Variants in ZBTB5 observed in about 807,000 individuals in gnomAD.
ZBTB5 encodes the protein zinc finger and BTB domain-containing protein 5.
Under a neutral mutation model 37.9 loss-of-function variants are expected in ZBTB5, and 15 were observed. That is an observed-to-expected ratio of 0.40 (90% CI 0.26 to 0.61). The LOEUF (loss-of-function observed/expected upper bound fraction) is 0.61, where lower values mean the gene tolerates loss of function less well. Among genes scored for constraint, ZBTB5 ranks in the 20% least tolerant of loss-of-function variants. ZBTB5 has a pLI of 0.47. For synonymous variants in ZBTB5, 315 were observed against 312.4 expected, an observed-to-expected ratio of 1.01 and a Z score of -0.09; for missense variants, 708 against 856.8, an observed-to-expected ratio of 0.83 and a Z score of 2.17.
intron 1 of ZBTB5, among the ~76,000 whole-genome samples, chr9:37,449,215 T>C (rs1824053113): frequency 6.6e-6 from 1 of 152,138 alleles, no homozygotes; most frequent in East Asian, 1.9e-4. Flanking sequence ...TGAGATTCTA[T>C]ATAACAAAAA....
At chr9:37,459,276 T>A (rs1244587726) in intron 1 of ZBTB5, among the ~76,000 whole-genome samples, 12 of 152,024 alleles carry the variant, frequency 7.9e-5, no homozygotes, top group Non-Finnish European at 1.3e-4. Context: ...CTGACCAACA[T>A]GGAGAAAAGC....
At chr9:37,450,129 G>A (rs993494518) in intron 1 of ZBTB5, among the ~76,000 whole-genome samples, 83 of 152,152 alleles carry the variant, frequency 5.5e-4, no homozygotes, top group African/African-American at 1.9e-3. Flanking sequence ...TTCTGCCACC[G>A]GCTGGTCGTT....
At chr9:37,445,253 G>A (rs535228027) in intron 1 of ZBTB5, among the ~76,000 whole-genome samples, 4 of 151,962 alleles carry the variant, frequency 2.6e-5, no homozygotes, top group Non-Finnish European at 5.9e-5. Flanking sequence ...GAGGAGATGA[G>A]GTATAATAAA....
In ZBTB5 at chr9:37,440,485, CT is replaced by C. The variant is rs773557887; in HGVS notation, c.*32del. ...TACCAAAAGAAATTCAGTCTGACAACTGGCCTCAGCGTTGTCTTGTAAGGAC... is the reference window on the plus strand; with the variant it reads ...TACCAAAAGAAATTCAGTCTGACAACGGCCTCAGCGTTGTCTTGTAAGGAC... On this transcript the variant is annotated 3_prime_UTR_variant, in exon 2 of 2. Transcript: ENST00000307750. 6.3e-7 allele frequency: 1 copy of C among 1,593,772 alleles called. No individual in the cohort carries two copies. Among genetic ancestry groups the C allele is most frequent in the African/African-American group, 1.3e-5 (1 of 74,392 alleles).
intron 1 of ZBTB5, among the ~76,000 whole-genome samples, chr9:37,447,736 A>T (rs1824014893): frequency 6.6e-6 from 1 of 152,128 alleles, no homozygotes; most frequent in Admixed American, 6.5e-5. Context: ...TAAAAGACTG[A>T]CTTCACAAAT....
intron 1 of ZBTB5, among the ~76,000 whole-genome samples, chr9:37,463,109 A>G (rs372100300): frequency 6.6e-6 from 1 of 152,258 alleles, no homozygotes; most frequent in Non-Finnish European, 1.5e-5. Context: ...TGTATAACTA[A>G]TAAAATGAAA....
At chr9:37,447,341 G>A (rs1327035599) in intron 1 of ZBTB5, among the ~76,000 whole-genome samples, 1 of 152,142 alleles carries the variant, frequency 6.6e-6, no homozygotes, top group Non-Finnish European at 1.5e-5. Context: ...CTTCATGTGG[G>A]GATTCAATTT....
Position 37,441,423 on chromosome 9 carries a change from G to C in ZBTB5, c.1129C>G (p.Arg377Gly), listed in dbSNP as rs763671777. The C allele has an allele frequency of 2.5e-6, 4 of 1,613,696 alleles. No individual in the cohort carries two copies. The highest frequency in any genetic ancestry group is 3.4e-6 in the Non-Finnish European group (4 of 1,179,946). The change falls in exon 2 of 2, where the codon CGG becomes GGG. Residue 377 changes from arginine (R) to glycine (G), a missense_variant. By Grantham distance (125) the Arg-to-Gly change is moderately radical (BLOSUM62 -2). Coordinates refer to ENST00000307750, the MANE Select transcript of ZBTB5 (RefSeq NM_014872.3). The stretch of plus-strand genomic sequence containing the variant: ...CTAGACTGGGGATCTGAAAAACTCC[G>C]ATCACTGCTTTCAGGGCTGAGGTCT... ...KIDLSPESSD[R>G]SFSDPQSSTD...
At chr9:37,444,466 C>G (rs952360121) in intron 1 of ZBTB5, among the ~76,000 whole-genome samples, 2 of 152,174 alleles carry the variant, frequency 1.3e-5, no homozygotes, top group African/African-American at 4.8e-5. Context: ...TCCCAAAGTG[C>G]TGGGATTACA....
chr9:37,438,166 CACT>C lies in ZBTB5; in HGVS notation c.*2349_*2351del, dbSNP rs1249226318. 6.6e-6 allele frequency: 1 copy of C among 152,504 alleles called. No homozygotes were observed. Among genetic ancestry groups the C allele is most frequent in the Non-Finnish European group, 1.5e-5 (1 of 68,010 alleles). The allele number at this position is 152,504 out of a possible 1,614,324, so 9.4% of individuals were successfully genotyped here. ...TCTCAAGTTGTAACCAGCATAGCAC[CACT>C]GACATGGATGCCTTGATAGAACTCC... On this transcript the variant is annotated 3_prime_UTR_variant, in exon 2 of 2. Coordinates refer to ENST00000307750, the MANE Select transcript of ZBTB5 (RefSeq NM_014872.3).
chr9:37,447,616 G>A (rs1028008083), intron 1 of ZBTB5, among the ~76,000 whole-genome samples: 3 of 152,092 alleles, frequency 2.0e-5, no homozygotes, highest in Admixed American at 6.6e-5. Flanking sequence ...TAATTACTGA[G>A]AGCCTGACAG....
intron 1 of ZBTB5, among the ~76,000 whole-genome samples, chr9:37,455,693 G>A (rs1288992218): frequency 2.0e-5 from 3 of 152,180 alleles, no homozygotes; most frequent in South Asian, 2.1e-4. Flanking sequence ...ATTGTCACAC[G>A]TCCTGCGAGG....
chr9:37,442,316 GC>G lies in ZBTB5; in HGVS notation c.235del (p.Ala79HisfsTer2), dbSNP rs1823900665. The part of the protein sequence containing the change: ...SEVVTAEAFA[A>X]LIDMMYTSTL... ...GGAGGTATACATCATGTCAATCAGTGCAGCAAAGGCCTCTGCTGTCACCACC... is the reference window on the plus strand; with the variant it reads ...GGAGGTATACATCATGTCAATCAGTGAGCAAAGGCCTCTGCTGTCACCACC... On this transcript the variant is annotated frameshift_variant, in exon 2 of 2. Transcript: ENST00000307750. LOFTEE classifies it high-confidence loss of function. 1 of 1,614,182 alleles carries G rather than the reference GC, an allele frequency of 6.2e-7. No individual in the cohort carries two copies. The highest frequency in any genetic ancestry group is 8.5e-7 in the Non-Finnish European group (1 of 1,180,028).
At chr9:37,460,970 C>G (rs545087236) in intron 1 of ZBTB5, among the ~76,000 whole-genome samples, 33 of 152,280 alleles carry the variant, frequency 2.2e-4, no homozygotes, top group Non-Finnish European at 2.9e-4. Context: ...TGGTGCCTTT[C>G]CAACAGAGAA....
chr9:37,445,807 T>C (rs1823966168), intron 1 of ZBTB5, among the ~76,000 whole-genome samples: 1 of 152,058 alleles, frequency 6.6e-6, no homozygotes, highest in Non-Finnish European at 1.5e-5. Context: ...CTATAAGCCT[T>C]ATGGAACTAT....
intron 1 of ZBTB5, among the ~76,000 whole-genome samples, chr9:37,464,232 T>C (rs945658431): frequency 6.6e-6 from 1 of 152,254 alleles, no homozygotes; most frequent in Non-Finnish European, 1.5e-5. Context: ...AGGCACAGCA[T>C]TCTCTTCAAC....
intron 1 of ZBTB5, among the ~76,000 whole-genome samples, chr9:37,463,459 TC>T (rs1824330579): frequency 6.6e-6 from 1 of 152,244 alleles, no homozygotes; most frequent in Non-Finnish European, 1.5e-5. Context: ...TACCTTGGGT[TC>T]TTTTTTCCAT....
At chr9:37,449,694 C>CAAAAAAAAAAAAAA (rs60696023) in intron 1 of ZBTB5, among the ~76,000 whole-genome samples, 1 of 50,086 alleles carries the variant, frequency 2.0e-5, no homozygotes, top group Non-Finnish European at 4.5e-5. Context: ...ATGAGACTCT[C>CAAAAAAAAAAAAAA]AAAAAAAAAA....
At chr9:37,460,068 G>A (rs975838910) in intron 1 of ZBTB5, among the ~76,000 whole-genome samples, 17 of 145,616 alleles carry the variant, frequency 1.2e-4, no homozygotes, top group African/African-American at 3.6e-4. Context: ...CTAGTCTCAA[G>A]CTACTGACCT....
Sources: gnomAD v4.1 joint callset for allele counts (sites outside exome capture counted in the v4.1 genomes callset) on GRCh38, gnomAD v4.1.1 for gene constraint, MANE v1.5 for transcripts, NCBI Gene and HGNC (gene_info 2026-07-23, HGNC 2026-07-21) for gene names.